The following DHTKD1 variants were observed in gnomAD, a reference collection of about 807,000 sequenced individuals.
DHTKD1 encodes the protein 2-oxoadipate dehydrogenase complex component E1.
DHTKD1 carries 78 observed loss-of-function variants against 101.8 expected under a neutral mutation model. The observed-to-expected ratio is 0.77, with a 90% CI of 0.64 to 0.93. DHTKD1 has a LOEUF of 0.93. DHTKD1 is among the 40% of genes least tolerant of loss of function. The pLI, the probability that DHTKD1 is intolerant of heterozygous loss-of-function variation, is 0.00. For missense variants in DHTKD1, 1,223 were observed against 1,161.7 expected (o/e 1.05, Z -0.77); for synonymous variants, 462 against 450.3 (o/e 1.03, Z -0.33).
At chr10:12,076,822 C>G (rs1371930318) in intron 1 of DHTKD1, among the ~76,000 whole-genome samples, 2 of 151,858 alleles carry the variant, frequency 1.3e-5, no homozygotes, top group African/African-American at 4.8e-5. Context: ...CCACGCCCGG[C>G]TAATTTTTTG....
chr10:12,117,575 C>G, intron 13 of DHTKD1, 98 bp from the exon 14 acceptor site: 1 of 766,206 alleles, frequency 1.3e-6, no homozygotes, highest in Non-Finnish European at 2.3e-6. Flanking sequence ...CAGTGCTAGG[C>G]TAGAACTTTG....
intron 1 of DHTKD1, among the ~76,000 whole-genome samples, chr10:12,070,942 T>C (rs1832642175): frequency 6.6e-6 from 1 of 152,176 alleles, no homozygotes; most frequent in Non-Finnish European, 1.5e-5. Flanking sequence ...TTCAAGGGCA[T>C]GTAGTCTGCC....
intron 9 of DHTKD1, 39 bp downstream of exon 9, chr10:12,100,301 T>TTTTTTTTTTTTTTC (rs1554793009): frequency 1.2e-6 from 1 of 836,656 alleles, no homozygotes; most frequent in African/African-American, 1.8e-5. Flanking sequence ...TTTTTTTTTT[T>TTTTTTTTTTTTTTC]GAGTCTCACC....
rs146881212 is a variant in DHTKD1 at position 12,069,073 on chromosome 10, G to T, written c.40G>T (p.Gly14Cys). 5.6e-6 allele frequency: 9 copies of T among 1,612,974 alleles called. No individual in the cohort carries two copies. The Admixed American group carries it at 6.7e-5, about 12-fold the overall frequency. Residue 14 changes from glycine (G) to cysteine (C), a missense_variant, in exon 1 of 17, where the codon GGC becomes TGC. Physicochemically the swap from Gly to Cys is radical, Grantham distance 159. Transcript: ENST00000263035. ...TGCGGCAGCAGCACGACGGGGCCTCGGCCGGGCTCTCCCTCTCTTCTGGCG... is the reference window on the plus strand; with the variant it reads ...TGCGGCAGCAGCACGACGGGGCCTCTGCCGGGCTCTCCCTCTCTTCTGGCG... ...ATAAAARRGL[G>C]RALPLFWRGY...
chr10:12,118,604 G>C lies in DHTKD1; in HGVS notation c.2403-145G>C, dbSNP rs879045177. 44 of 459,876 alleles carry C rather than the reference G, an allele frequency of 9.6e-5. 1 individual carries two copies. Among genetic ancestry groups the C allele is most frequent in the African/African-American group, 2.2e-4 (11 of 50,374 alleles). The allele number at this position is 459,876 out of a possible 1,614,324, so 28.5% of individuals were successfully genotyped here. A position where few individuals can be genotyped will look rare whatever the true frequency, so the allele number is the denominator to read the frequency against. On this transcript the variant is annotated intron_variant, in intron 14 of 16. Transcript: ENST00000263035. The stretch of plus-strand genomic sequence containing the variant: ...TCACCGTGTTAGCCAGGATGGTCTT[G>C]ATTTCCTGACCTCGTGATCCGCCCG...
At chr10:12,095,055 A>G (rs1238646279) in intron 7 of DHTKD1, among the ~76,000 whole-genome samples, 5 of 152,194 alleles carry the variant, frequency 3.3e-5, no homozygotes, top group Non-Finnish European at 7.4e-5. Context: ...GCCCAAATCT[A>G]TTTACTGCAG....
chr10:12,075,942 T>TA (rs747959585), intron 1 of DHTKD1, among the ~76,000 whole-genome samples: 50 of 135,034 alleles, frequency 3.7e-4, no homozygotes, highest in African/African-American at 1.2e-3. Context: ...AGACTCTGTC[T>TA]CAAAAAAAAA....
chr10:12,087,118 C>T lies in DHTKD1; in HGVS notation c.523-417C>T, dbSNP rs1030877291. 3.3e-5 allele frequency among the ~76,000 whole-genome samples: 5 copies of T among 152,182 alleles called. No homozygotes were observed. Among genetic ancestry groups the T allele is most frequent in the Non-Finnish European group, 7.3e-5 (5 of 68,032 alleles). ...ACCTCTGCTGGGGCTGTGACCAGGA[C>T]TCTGGAATGTCAAGATGGCAAGAAG... On this transcript the variant is annotated intron_variant, in intron 3 of 16. Transcript: ENST00000263035. This position sits in a 1 kb window ranked among gnomAD's most constrained non-coding sequence, Gnocchi z 5.2.
Position 12,089,297 on chromosome 10 carries a change from C to T in DHTKD1, c.987+42C>T, listed in dbSNP as rs1832953622. ...AAATTGAGGCCAGAGGTGGGGAAAA[C>T]TGGGAAGAATGTGTGGGTTGGGAGG... is the stretch of plus-strand genomic sequence containing the variant. On this transcript the variant is annotated intron_variant, in intron 5 of 16. Coordinates refer to ENST00000263035, the MANE Select transcript of DHTKD1 (RefSeq NM_018706.7). 5.0e-6 allele frequency: 8 copies of T among 1,587,950 alleles called. No individual in the cohort carries two copies. The East Asian group carries it at 1.8e-4, about 36-fold the overall frequency.
rs1042683604 is a variant in DHTKD1, at chr10:12,069,068, G to A, written c.35G>A (p.Gly12Asp). The A allele has an allele frequency of 2.5e-6, 4 of 1,612,922 alleles. No individual in the cohort carries two copies. Among genetic ancestry groups the A allele is most frequent in the African/African-American group, 2.7e-5 (2 of 74,872 alleles). The change falls in exon 1 of 17, where the codon GGC becomes GAC. Residue 12 changes from glycine to aspartate, a missense_variant. Coordinates refer to ENST00000263035, the MANE Select transcript of DHTKD1 (RefSeq NM_018706.7). ...ASATAAAARR[G>D]LGRALPLFWR... is the part of the protein sequence containing the mutation. Reference sequence around the variant, plus strand: ...GCTACTGCGGCAGCAGCACGACGGGGCCTCGGCCGGGCTCTCCCTCTCTTC... The same window carrying A: ...GCTACTGCGGCAGCAGCACGACGGGACCTCGGCCGGGCTCTCCCTCTCTTC...
At position 12,118,973 on chromosome 10, in the gene DHTKD1, A is replaced by G. The variant is rs138297782; in HGVS notation, c.2572+55A>G. The stretch of plus-strand genomic sequence containing the variant: ...TGTTCAGATACCCAAAACCCATTTC[A>G]GCTCTTTTAAATGAAAAGATGTGGT... On this transcript the variant is annotated intron_variant, in intron 15 of 16. Coordinates refer to ENST00000263035, the MANE Select transcript of DHTKD1 (RefSeq NM_018706.7). 2.5e-4 allele frequency: 352 copies of G among 1,426,774 alleles called. No homozygotes were observed. In the African/African-American group the frequency reaches 4.7e-3, roughly 19 times the overall value. The allele number at this position is 1,426,774 out of a possible 1,614,324, so 88.4% of individuals were successfully genotyped here. A position where few individuals can be genotyped will look rare whatever the true frequency, so the allele number is the denominator to read the frequency against.
chr10:12,102,207 C>G (rs1833181591), intron 10 of DHTKD1, among the ~76,000 whole-genome samples: 1 of 151,964 alleles, frequency 6.6e-6, no homozygotes, highest in African/African-American at 2.4e-5. Context: ...GGGCAGATCA[C>G]ACGGTCAAGA....
At position 12,070,716 on chromosome 10, in the gene DHTKD1, C is replaced by T. The variant is rs191456410; in HGVS notation, c.154+1529C>T. On this transcript the variant is annotated intron_variant, in intron 1 of 16. Transcript: ENST00000263035. ...GTTGGCCAGGCTGGTCTTGAACTCC[C>T]GACCTGAAGTGATCCACTGGCCTTG... Among the ~76,000 whole-genome samples, 20 of 152,174 alleles carry T rather than the reference C, an allele frequency of 1.3e-4. No homozygotes were observed. In the East Asian group the frequency reaches 2.5e-3, roughly 19 times the overall value.
chr10:12,072,185 G>C (rs1042876545), intron 1 of DHTKD1, among the ~76,000 whole-genome samples: 1 of 152,128 alleles, frequency 6.6e-6, no homozygotes, highest in Middle Eastern at 3.2e-3. Flanking sequence ...GAGATATTGA[G>C]CCTGGGTGTG....
rs190576946 is a variant in DHTKD1, at chr10:12,100,090, C to T, written c.1672-88C>T. ...GGATTACAGGCATGAGCCACCATGC[C>T]TGGCCTGCATTAAATTTTTTGTACT... is the stretch of plus-strand genomic sequence containing the variant. On this transcript the variant is annotated intron_variant, in intron 8 of 16. Transcript: ENST00000263035. The T allele has an allele frequency of 9.7e-4, 721 of 743,418 alleles. 6 individuals are homozygous for T. The highest frequency in any genetic ancestry group is 1.3e-4 in the Non-Finnish European group (58 of 450,740). The allele number at this position is 743,418 out of a possible 1,614,324, so 46.1% of individuals were successfully genotyped here.
In DHTKD1 at chr10:12,120,200, A is replaced by G. The variant is rs1264829468; in HGVS notation, c.2591A>G (p.Glu864Gly). The change falls in exon 16 of 17, where the codon GAG (glutamate) becomes GGG (glycine). Residue 864 changes from glutamate (E) to glycine (G), a missense_variant. Transcript: ENST00000263035. Reference sequence around the variant, plus strand: ...CTCATAGATCATATTTGGAGTCAGGAGGAACCTCAGAACATGGGTCCGTGG... The same window carrying G: ...CTCATAGATCATATTTGGAGTCAGGGGGAACCTCAGAACATGGGTCCGTGG... ...KHVKDHIWSQ[E>G]EPQNMGPWSF... 1 of 1,613,920 alleles carries G rather than the reference A, an allele frequency of 6.2e-7. No individual in the cohort carries two copies. Among genetic ancestry groups the G allele is most frequent in the South Asian group, 1.1e-5 (1 of 91,086 alleles).
chr10:12,075,150 T>C (rs1046616394), intron 1 of DHTKD1, among the ~76,000 whole-genome samples: 4 of 152,106 alleles, frequency 2.6e-5, no homozygotes, highest in Non-Finnish European at 4.4e-5. Flanking sequence ...GAGAAGAACC[T>C]ATGTCAATGC....
chr10:12,103,094 A>G lies in DHTKD1; in HGVS notation c.1896+1913A>G, dbSNP rs1457407587. Among the ~76,000 whole-genome samples, 1 of 152,142 alleles carries G rather than the reference A, an allele frequency of 6.6e-6. No homozygotes were observed. The highest frequency in any genetic ancestry group is 1.5e-5 in the Non-Finnish European group (1 of 68,022). Reference sequence around the variant, plus strand: ...AAAAATTAGTCGGGCATGGTGGCACACGCCTGTAATCCCAGCTACTCAGGA... The same window carrying G: ...AAAAATTAGTCGGGCATGGTGGCACGCGCCTGTAATCCCAGCTACTCAGGA... On this transcript the variant is annotated intron_variant, in intron 10 of 16. Transcript: ENST00000263035. The surrounding 1 kb of genome is among the most constrained non-coding windows in gnomAD (Gnocchi z 4.8).
chr10:12,101,288 T>C lies in DHTKD1; in HGVS notation c.1896+107T>C, dbSNP rs2131616518. 4 of 1,315,916 alleles carry C rather than the reference T, an allele frequency of 3.0e-6. No individual in the cohort carries two copies. In the Admixed American group the frequency reaches 8.0e-5, roughly 26 times the overall value. The allele number at this position is 1,315,916 out of a possible 1,614,324, so 81.5% of individuals were successfully genotyped here. A position where few individuals can be genotyped will look rare whatever the true frequency, so the allele number is the denominator to read the frequency against. On this transcript the variant is annotated intron_variant, in intron 10 of 16. Transcript: ENST00000263035. ...GCTGGCAACTTTGGGTTCAGTACTTTTGGAAGTAAAGGAGTGCTAAATGGG... is the reference window on the plus strand; with the variant it reads ...GCTGGCAACTTTGGGTTCAGTACTTCTGGAAGTAAAGGAGTGCTAAATGGG...
Sources: allele counts gnomAD v4.1 joint callset (sites outside exome capture counted in the v4.1 genomes callset), GRCh38; gene constraint gnomAD v4.1.1; non-coding constraint Gnocchi (gnomAD v3.1); transcripts MANE v1.5; gene names NCBI Gene and HGNC (gene_info 2026-07-23, HGNC 2026-07-21).